Variants in FGF10 observed in about 807,000 individuals in gnomAD.
The protein encoded by FGF10 is fibroblast growth factor 10, also known as FGF-10.
FGF10 carries 2 observed loss-of-function variants against 19.8 expected under a neutral mutation model. The ratio of observed to expected loss-of-function variants is 0.10; its 90% confidence interval spans 0.04 to 0.32. FGF10 has a LOEUF of 0.32. Among genes scored for constraint, FGF10 ranks in the 10% least tolerant of loss-of-function variants. The pLI is 1.00. For missense variants in FGF10, 191 were observed against 246.3 expected (o/e 0.78, Z 1.50); for synonymous variants, 112 against 94.0 (o/e 1.19, Z -1.10).
intron 1 of FGF10, among the ~76,000 whole-genome samples, chr5:44,348,317 C>G (rs925983346): frequency 5.9e-5 from 9 of 151,608 alleles, no homozygotes; most frequent in African/African-American, 2.2e-4. Context: ...AAAGTTAACA[C>G]TAATAAAACT....
chr5:44,316,858 G>C (rs1170393728), intron 1 of FGF10, among the ~76,000 whole-genome samples: 2 of 152,126 alleles, frequency 1.3e-5, no homozygotes, highest in African/African-American at 4.8e-5. Context: ...CATTTTAAAA[G>C]TGTGGAAATG....
intron 1 of FGF10, among the ~76,000 whole-genome samples, chr5:44,349,472 G>GAATATATATATATATATATCAA (rs1741185368): frequency 4.2e-5 from 1 of 23,842 alleles, no homozygotes; most frequent in Non-Finnish European, 7.9e-5. Flanking sequence ...ATATATATCA[G>GAATATATATATATATATATCAA]AATATATATA....
chr5:44,380,306 A>G (rs537424606), intron 1 of FGF10, among the ~76,000 whole-genome samples: 1 of 152,358 alleles, frequency 6.6e-6, no homozygotes, highest in Admixed American at 6.5e-5. Context: ...TAAATTTAAC[A>G]TATGTCAATA....
chr5:44,300,672 G>T lies in FGF10; in HGVS notation c.*4323C>A, dbSNP rs564069834. On this transcript the variant is annotated 3_prime_UTR_variant, in exon 3 of 3. Transcript: ENST00000264664. Reference sequence around the variant, plus strand: ...TTTATGTCACAGCTTCATTTAATAAGATGTAGCAAACAACCATTTGGTTTT... The same window carrying T: ...TTTATGTCACAGCTTCATTTAATAATATGTAGCAAACAACCATTTGGTTTT... Among the ~76,000 whole-genome samples, 9 of 152,224 alleles carry T rather than the reference G, an allele frequency of 5.9e-5. No individual in the cohort carries two copies. Among genetic ancestry groups the T allele is most frequent in the African/African-American group, 2.2e-4 (9 of 41,558 alleles).
At chr5:44,369,742 A>C (rs1741703396) in intron 1 of FGF10, among the ~76,000 whole-genome samples, 1 of 152,122 alleles carries the variant, frequency 6.6e-6, no homozygotes, top group African/African-American at 2.4e-5. Flanking sequence ...GAGCATTTAA[A>C]CTTAAGCATG....
At position 44,383,331 on chromosome 5, in the gene FGF10, G is replaced by A. The variant is rs1439575143; in HGVS notation, c.325+5027C>T. 2.6e-5 allele frequency among the ~76,000 whole-genome samples: 4 copies of A among 152,092 alleles called. No individual in the cohort carries two copies. The South Asian group carries it at 8.3e-4, about 31-fold the overall frequency. ...TCACTCTAAACTGGATAGCATAAAT[G>A]TAGAAGAAACTATGAAGACAGTGGA... On this transcript the variant is annotated intron_variant, in intron 1 of 2. Transcript: ENST00000264664.
intron 1 of FGF10, among the ~76,000 whole-genome samples, chr5:44,329,588 C>G (rs1740686684): frequency 6.6e-6 from 1 of 152,080 alleles, no homozygotes; most frequent in African/African-American, 2.4e-5. Context: ...CCAACCTAAA[C>G]TAGAACGCAT....
intron 1 of FGF10, among the ~76,000 whole-genome samples, chr5:44,332,777 G>T (rs912998324): frequency 1.3e-5 from 2 of 152,072 alleles, no homozygotes; most frequent in African/African-American, 4.8e-5. Context: ...AGTAAGGAAG[G>T]AAACATATTT....
intron 1 of FGF10, among the ~76,000 whole-genome samples, chr5:44,377,552 C>T (rs1741893796): frequency 6.6e-6 from 1 of 152,160 alleles, no homozygotes; most frequent in Non-Finnish European, 1.5e-5. Context: ...ACCTATTTCG[C>T]TATTCTTTTT....
intron 1 of FGF10, among the ~76,000 whole-genome samples, chr5:44,370,690 T>G (rs577227048): frequency 2.0e-4 from 31 of 152,270 alleles, no homozygotes; most frequent in Non-Finnish European, 3.4e-4. Context: ...ACAAAACATT[T>G]GTCTGCTGTC....
At chr5:44,376,490 C>CAAAA (rs764913349) in intron 1 of FGF10, among the ~76,000 whole-genome samples, 3,634 of 34,044 alleles carry the variant, frequency 0.11, 870 homozygotes, top group East Asian at 0.19. Context: ...ATACAAATGC[C>CAAAA]AAAAAAAAAA....
chr5:44,381,432 A>G (rs1014483892), intron 1 of FGF10, among the ~76,000 whole-genome samples: 2 of 152,126 alleles, frequency 1.3e-5, no homozygotes, highest in African/African-American at 4.8e-5. Context: ...CCCTGGGCTT[A>G]AAGGTATGTA....
intron 1 of FGF10, among the ~76,000 whole-genome samples, chr5:44,376,511 A>AAAAAAAC (rs1327504597): frequency 1.4e-5 from 2 of 140,418 alleles, no homozygotes; most frequent in African/African-American, 2.7e-5. Context: ...AAAAAAAAAA[A>AAAAAAAC]AAAAAACAAA....
chr5:44,379,398 A>G (rs1189939620), intron 1 of FGF10, among the ~76,000 whole-genome samples: 3 of 152,248 alleles, frequency 2.0e-5, no homozygotes, highest in Non-Finnish European at 2.9e-5. Flanking sequence ...TTTACCATGT[A>G]GTAAAAAGGT....
intron 1 of FGF10, among the ~76,000 whole-genome samples, chr5:44,349,445 TATATATATATATATATATATATATCAGA>T (rs1311584297): frequency 0.068 from 940 of 13,826 alleles, 44 homozygotes; most frequent in Middle Eastern, 0.12. Flanking sequence ...TATATATATA[TATATATATATATATATATATATATCAGA>T]ATATATATAT....
At chr5:44,334,834 A>G (rs1740811636) in intron 1 of FGF10, among the ~76,000 whole-genome samples, 2 of 152,142 alleles carry the variant, frequency 1.3e-5, no homozygotes, top group African/African-American at 2.4e-5. Context: ...ACTTGCATAA[A>G]CAAGCCCAGG....
At chr5:44,320,246 C>T (rs1189110960) in intron 1 of FGF10, among the ~76,000 whole-genome samples, 1 of 152,172 alleles carries the variant, frequency 6.6e-6, no homozygotes, top group Non-Finnish European at 1.5e-5. Flanking sequence ...AAAACCCTAT[C>T]TGTGCTGCAT....
At position 44,366,329 on chromosome 5, in the gene FGF10, T is replaced by C. The variant is rs1741614157; in HGVS notation, c.325+22029A>G. Among the ~76,000 whole-genome samples the C allele has an allele frequency of 2.0e-5, 3 of 151,886 alleles. No individual in the cohort carries two copies. The East Asian group carries it at 5.9e-4, about 30-fold the overall frequency. Reference sequence around the variant, plus strand: ...CCTTGCATATATTGTCAATGAAAATTTTTTTTAAAGGCATCCTGCATTTTC... The same window carrying C: ...CCTTGCATATATTGTCAATGAAAATCTTTTTTAAAGGCATCCTGCATTTTC... On this transcript the variant is annotated intron_variant, in intron 1 of 2. Coordinates refer to ENST00000264664, the MANE Select transcript of FGF10 (RefSeq NM_004465.2).
At chr5:44,307,306 A>G (rs1353751745) in intron 2 of FGF10, among the ~76,000 whole-genome samples, 1 of 152,166 alleles carries the variant, frequency 6.6e-6, no homozygotes, top group Non-Finnish European at 1.5e-5. Context: ...TAAAAAGAAA[A>G]TTCAGGCTAC....
Sources: allele counts gnomAD v4.1 joint callset (sites outside exome capture counted in the v4.1 genomes callset), GRCh38; gene constraint gnomAD v4.1.1; transcripts MANE v1.5; gene names NCBI Gene and HGNC (gene_info 2026-07-23, HGNC 2026-07-21).